Variants in AHNAK observed in about 807,000 individuals in gnomAD.
AHNAK encodes neuroblast differentiation-associated protein AHNAK.
AHNAK carries 23 observed loss-of-function variants against 37.8 expected under a neutral mutation model. The observed-to-expected ratio is 0.61, with a 90% CI of 0.44 to 0.86. The LOEUF is 0.86. AHNAK is among the 40% of genes least tolerant of loss of function. The pLI, the probability that AHNAK is intolerant of heterozygous loss-of-function variation, is 0.00. For synonymous variants in AHNAK, 2,481 were observed against 2,636.3 expected (o/e 0.94, Z 1.80); for missense variants, 7,411 against 7,319.4 (o/e 1.01, Z -0.46).
intron 5 of AHNAK, among the ~76,000 whole-genome samples, chr11:62,467,211 TA>T (rs57593006): frequency 0.042 from 5,825 of 137,912 alleles, 148 homozygotes; most frequent in Middle Eastern, 0.071. Flanking sequence ...GATCCTGTCT[TA>T]AAAAAAAAAA....
chr11:62,513,177 C>T (rs549704893), downstream of AHNAK, among the ~76,000 whole-genome samples: 14 of 152,322 alleles, frequency 9.2e-5, no homozygotes, highest in East Asian at 2.1e-3. Context: ...TGACGCTGCT[C>T]TCACCCTCGA....
chr11:62,516,245 T>TGG lies in AHNAK; in HGVS notation c.*498_*499insCC, dbSNP rs1940013366. Reference sequence around the variant, plus strand: ...CCCACACACCCTGACTACCACCACCTCTGGGCCATCTGTGGGCGTTTGCTG... The same window carrying TGG: ...CCCACACACCCTGACTACCACCACCTGGCTGGGCCATCTGTGGGCGTTTGCTG... On this transcript the variant is annotated 3_prime_UTR_variant, in exon 5 of 5. Coordinates refer to ENST00000378024, the MANE Select transcript of AHNAK (RefSeq NM_001620.3). 7.8e-7 allele frequency: 1 copy of TGG among 1,289,002 alleles called. No homozygotes were observed. The highest frequency in any genetic ancestry group is 1.0e-6 in the Non-Finnish European group (1 of 988,698). The allele number at this position is 1,289,002 out of a possible 1,614,324, so 79.8% of individuals were successfully genotyped here. A position where few individuals can be genotyped will look rare whatever the true frequency, so the allele number is the denominator to read the frequency against.
rs111705307 is a variant in AHNAK, at chr11:62,473,734, C to T, written c.442+17998G>A. Reference sequence around the variant, plus strand: ...AATGATAGGAACCAGGCTCAGGTCACGCTATAATCCCAGCACTTTAGGAGG... The same window carrying T: ...AATGATAGGAACCAGGCTCAGGTCATGCTATAATCCCAGCACTTTAGGAGG... On this transcript the variant is annotated intron_variant, in intron 5 of 5. Coordinates refer to the AHNAK transcript ENST00000257247. Among the ~76,000 whole-genome samples the T allele has an allele frequency of 1.9e-3, 291 of 151,350 alleles. 1 individual carries two copies. The highest frequency in any genetic ancestry group is 6.5e-3 in the African/African-American group (269 of 41,242).
Position 62,532,679 on chromosome 11 carries a change from C to A in AHNAK, c.1738G>T (p.Ala580Ser), listed in dbSNP as rs138061218. ...TCTACACCCCCTTTCACTTTAGGTG[C>A]GGCCACATTTAAGTCTACTTCTGAC... is the stretch of plus-strand genomic sequence containing the variant. ...SMSEVDLNVA[A>S]PKVKGGVDVT... Residue 580 changes from alanine (A) to serine (S), a missense_variant, in exon 5 of 5, where the codon GCA (alanine) becomes TCA (serine). Ala to Ser is a moderately conservative substitution (Grantham distance 99, BLOSUM62 1). Transcript: ENST00000378024. 6.2e-7 allele frequency: 1 copy of A among 1,613,836 alleles called. No individual in the cohort carries two copies. Among genetic ancestry groups the A allele is most frequent in the Non-Finnish European group, 8.5e-7 (1 of 1,179,938 alleles).
chr11:62,489,214 C>G (rs2134889155), intron 5 of AHNAK, among the ~76,000 whole-genome samples: 1 of 149,756 alleles, frequency 6.7e-6, no homozygotes, highest in South Asian at 2.1e-4. Context: ...GCATTCCAGC[C>G]TGGGTCACAG....
At chr11:62,535,877 C>A in intron 3 of AHNAK, 68 bp downstream of exon 3, 1 of 1,548,144 alleles carries the variant, frequency 6.5e-7, no homozygotes, top group Non-Finnish European at 8.7e-7. Flanking sequence ...TGCTCCCTGC[C>A]CTTCCCTCCA....
At chr11:62,509,595 A>G (rs1369956524) in intron 4 of AHNAK, among the ~76,000 whole-genome samples, 2 of 151,856 alleles carry the variant, frequency 1.3e-5, no homozygotes, top group Non-Finnish European at 2.9e-5. Flanking sequence ...ACTAAACATC[A>G]TGTGAGGTCA....
Position 62,532,213 on chromosome 11 carries a change from G to A in AHNAK, c.2204C>T (p.Ala735Val). Residue 735 changes from alanine (A) to valine (V), a missense_variant, in exon 5 of 5, where the codon GCC (alanine) becomes GTC (valine). Physicochemically the swap from Ala to Val is moderately conservative, Grantham distance 64 (BLOSUM62 0). Coordinates refer to ENST00000378024, the MANE Select transcript of AHNAK (RefSeq NM_001620.3). Reference sequence around the variant, plus strand: ...TGGGCCATGAACATCCACATCTGGGGCATCAATGTCCACTTTTGGGCCTTT... The same window carrying A: ...TGGGCCATGAACATCCACATCTGGGACATCAATGTCCACTTTTGGGCCTTT... The part of the protein sequence containing the change: ...ELKGPKVDID[A>V]PDVDVHGPDW... 5 of 1,613,990 alleles carry A rather than the reference G, an allele frequency of 3.1e-6. No homozygotes were observed. Among genetic ancestry groups the A allele is most frequent in the Non-Finnish European group, 3.4e-6 (4 of 1,179,996 alleles).
At chr11:62,450,435 C>T (rs1271733048) in intron 5 of AHNAK, among the ~76,000 whole-genome samples, 1 of 152,132 alleles carries the variant, frequency 6.6e-6, no homozygotes, top group East Asian at 1.9e-4. Context: ...TCAGATGATC[C>T]AACTGCCTTG....
intron 5 of AHNAK, among the ~76,000 whole-genome samples, chr11:62,489,164 G>T (rs1331994379): frequency 6.6e-6 from 1 of 151,682 alleles, no homozygotes; most frequent in African/African-American, 2.4e-5. Context: ...TTGCTTGAAC[G>T]CGGGAGGTGG....
In AHNAK at chr11:62,516,079, A is replaced by G. The variant is rs1031189320; in HGVS notation, c.*665T>C. ...AGGAAACAGTTCCCTTACAAAACAC[A>G]GAAAATGGAAGCCCCTCATGTTGAG... On this transcript the variant is annotated 3_prime_UTR_variant, in exon 5 of 5. Coordinates refer to ENST00000378024, the MANE Select transcript of AHNAK (RefSeq NM_001620.3). The G allele has an allele frequency of 3.3e-6, 4 of 1,220,818 alleles. No individual in the cohort carries two copies. The highest frequency in any genetic ancestry group is 1.6e-5 in the African/African-American group (1 of 63,456). The allele number at this position is 1,220,818 out of a possible 1,614,324, so 75.6% of individuals were successfully genotyped here.
In AHNAK at chr11:62,530,365, T is replaced by C; in HGVS notation, c.4052A>G (p.Glu1351Gly). The C allele has an allele frequency of 1.2e-6, 2 of 1,614,082 alleles. No homozygotes were observed. The highest frequency in any genetic ancestry group is 1.7e-6 in the Non-Finnish European group (2 of 1,180,004). Residue 1351 changes from glutamate (E) to glycine (G), a missense_variant, in exon 5 of 5, where the codon GAA becomes GGA. Transcript: ENST00000378024. ...VDVSLPEVEG[E>G]MKVPDVDIKG... ...AATGTCAACATCTGGCACTTTCATT[T>C]CACCTTCTACCTCAGGCAAGGACAC...
Position 62,533,763 on chromosome 11 carries a change from T to C in AHNAK, c.654A>G (p.Thr218=). Residue 218 remains threonine, a synonymous_variant, in exon 5 of 5, where the codon ACA becomes ACG. Transcript: ENST00000378024. ...CTGCTCGGATATCCACAGCAGAGCC[T>C]GTCGGAGAGGCTGCCCCCGAGCCCG... ...LPSGSGAASP[T]GSAVDIRAGA... The C allele has an allele frequency of 1.9e-6, 3 of 1,614,174 alleles. No homozygotes were observed. The highest frequency in any genetic ancestry group is 2.5e-6 in the Non-Finnish European group (3 of 1,180,034).
At chr11:62,490,191 CTTTTTCTTTT>C (rs1353850016) in intron 5 of AHNAK, among the ~76,000 whole-genome samples, 4 of 141,274 alleles carry the variant, frequency 2.8e-5, no homozygotes, top group Non-Finnish European at 6.2e-5. Context: ...TCTTTCTTTT[CTTTTTCTTTT>C]TTTTTTTTTT....
chr11:62,500,261 G>A (rs1005044198), intron 4 of AHNAK, among the ~76,000 whole-genome samples: 1 of 152,156 alleles, frequency 6.6e-6, no homozygotes, highest in Admixed American at 6.5e-5. Flanking sequence ...CAATAGTAGC[G>A]AAATTCAGAC....
rs1809225585 is a variant in AHNAK, at chr11:62,528,412, T to C, written c.6005A>G (p.Lys2002Arg). The change falls in exon 5 of 5, where the codon AAA (lysine) becomes AGA (arginine). Residue 2002 changes from lysine (K) to arginine (R), a missense_variant. By Grantham distance (26) the Lys-to-Arg change is conservative. Coordinates refer to ENST00000378024, the MANE Select transcript of AHNAK (RefSeq NM_001620.3). Reference sequence around the variant, plus strand: ...AGACACATCCATATCCCCTTTGACTTTGGGGCCTTTCAGGTGTAAGTCCAC... The same window carrying C: ...AGACACATCCATATCCCCTTTGACTCTGGGGCCTTTCAGGTGTAAGTCCAC... ...PDVDLHLKGP[K>R]VKGDMDVSVP... 2.5e-6 allele frequency: 4 copies of C among 1,613,682 alleles called. No individual in the cohort carries two copies. The highest frequency in any genetic ancestry group is 3.4e-6 in the Non-Finnish European group (4 of 1,179,944).
chr11:62,521,419 C>A lies in AHNAK; in HGVS notation c.12998G>T (p.Gly4333Val). Residue 4333 changes from glycine to valine, a missense_variant, in exon 5 of 5, where the codon GGC becomes GTC. Transcript: ENST00000378024. ...AGGAAGGGTAACATCCACATCTGGGCCCTCTCCTTTGAATCCTGGCATGCT... is the reference window on the plus strand; with the variant it reads ...AGGAAGGGTAACATCCACATCTGGGACCTCTCCTTTGAATCCTGGCATGCT... The part of the protein sequence containing the change: ...KFSMPGFKGE[G>V]PDVDVTLPKA... 3 of 1,613,834 alleles carry A rather than the reference C, an allele frequency of 1.9e-6. No homozygotes were observed. Among genetic ancestry groups the A allele is most frequent in the Non-Finnish European group, 2.5e-6 (3 of 1,179,994 alleles).
intron 5 of AHNAK, among the ~76,000 whole-genome samples, chr11:62,465,863 C>T (rs1938900647): frequency 6.6e-6 from 1 of 152,098 alleles, no homozygotes; most frequent in African/African-American, 2.4e-5. Context: ...TTCCCTAGAA[C>T]CTTTCAGAGG....
At chr11:62,490,065 G>A (rs1443365631) in intron 5 of AHNAK, among the ~76,000 whole-genome samples, 2 of 152,202 alleles carry the variant, frequency 1.3e-5, no homozygotes, top group East Asian at 3.9e-4. Flanking sequence ...GAAGTGGGGG[G>A]ACTGGAGTGA....
Sources: gnomAD v4.1 joint callset for allele counts (sites outside exome capture counted in the v4.1 genomes callset) on GRCh38, gnomAD v4.1.1 for gene constraint, MANE v1.5 for transcripts, NCBI Gene and HGNC (gene_info 2026-07-23, HGNC 2026-07-21) for gene names.